ENTREP2: variants seen among roughly 807,000 people sequenced by gnomAD.
ENTREP2 encodes endosomal transmembrane epsin interactor 2, also known as protein ENTREP2.
chr15:29,131,553 C>T, the ENTREP2 span, among the ~76,000 whole-genome samples: 2 of 140,870 alleles, frequency 1.4e-5, no homozygotes, highest in Non-Finnish European at 3.0e-5. Context: ...TCCTGCCATG[C>T]GCCTTAGCTG....
the ENTREP2 span, among the ~76,000 whole-genome samples, chr15:29,443,854 C>A: frequency 2.0e-5 from 3 of 152,024 alleles, no homozygotes; most frequent in African/African-American, 7.3e-5. Context: ...CCTGTAATCC[C>A]AGCACTTTGG....
the ENTREP2 span, among the ~76,000 whole-genome samples, chr15:29,359,226 CGAA>C: frequency 6.6e-6 from 1 of 152,060 alleles, no homozygotes; most frequent in Non-Finnish European, 1.5e-5. Flanking sequence ...GGGCAGAACA[CGAA>C]GGAGTGTTTT....
At chr15:29,543,138 T>C in the ENTREP2 span, among the ~76,000 whole-genome samples, 1 of 123,582 alleles carries the variant, frequency 8.1e-6, no homozygotes, top group South Asian at 2.4e-4. Context: ...TTGCTTTTAA[T>C]GAGACTGTCT....
At chr15:29,582,842 G>A in the ENTREP2 span, among the ~76,000 whole-genome samples, 2 of 152,102 alleles carry the variant, frequency 1.3e-5, no homozygotes, top group South Asian at 4.2e-4. Flanking sequence ...AGTAGAGATG[G>A]GGTTTCTCCA....
At chr15:29,616,983 C>G in the ENTREP2 span, among the ~76,000 whole-genome samples, 27 of 152,188 alleles carry the variant, frequency 1.8e-4, no homozygotes, top group African/African-American at 4.8e-4. Flanking sequence ...TCACTTGAAC[C>G]TGGGAGGCGG....
At chr15:29,365,250 C>CTTTTTTTTTTTTTTTTTTT in the ENTREP2 span, among the ~76,000 whole-genome samples, 1 of 142,014 alleles carries the variant, frequency 7.0e-6, no homozygotes. Flanking sequence ...TAGCTCATTT[C>CTTTTTTTTTTTTTTTTTTT]TTTTTTTTTT....
chr15:29,450,703 C>T, the ENTREP2 span, among the ~76,000 whole-genome samples: 28 of 152,232 alleles, frequency 1.8e-4, no homozygotes, highest in South Asian at 5.4e-3. Flanking sequence ...AGCAAAGACA[C>T]TGAATCAACC....
At chr15:29,595,506 T>C in the ENTREP2 span, among the ~76,000 whole-genome samples, 98 of 152,292 alleles carry the variant, frequency 6.4e-4, no homozygotes, top group African/African-American at 2.3e-3. Context: ...TGGGATCCCA[T>C]CCAGAACACA....
At chr15:29,208,296 C>A in the ENTREP2 span, among the ~76,000 whole-genome samples, 5 of 152,022 alleles carry the variant, frequency 3.3e-5, no homozygotes, top group South Asian at 1.0e-3. Flanking sequence ...TAGATAGGGC[C>A]AAAAATAGGA....
chr15:29,177,254 A>G, the ENTREP2 span, among the ~76,000 whole-genome samples: 2 of 152,180 alleles, frequency 1.3e-5, no homozygotes, highest in Non-Finnish European at 2.9e-5. Context: ...GTGAGTACAC[A>G]TGTGATGGCT....
the ENTREP2 span, among the ~76,000 whole-genome samples, chr15:29,531,678 G>A: frequency 2.0e-5 from 3 of 152,202 alleles, no homozygotes; most frequent in Admixed American, 6.5e-5. Context: ...AAGCAAAATT[G>A]TTTCTGAGGC....
chr15:29,399,812 A>G, the ENTREP2 span, among the ~76,000 whole-genome samples: 1 of 152,236 alleles, frequency 6.6e-6, no homozygotes, highest in Non-Finnish European at 1.5e-5. Flanking sequence ...TGCTATTAAG[A>G]AAGTCATAAG....
At chr15:29,284,556 CAAAAA>C in the ENTREP2 span, among the ~76,000 whole-genome samples, 294 of 125,446 alleles carry the variant, frequency 2.3e-3, 1 homozygote, top group African/African-American at 8.2e-3. Context: ...GACTCCATCT[CAAAAA>C]AAAAAAAAAA....
the ENTREP2 span, among the ~76,000 whole-genome samples, chr15:29,362,061 T>C: frequency 4.6e-5 from 7 of 152,054 alleles, no homozygotes; most frequent in Non-Finnish European, 1.0e-4. Flanking sequence ...ACACACAGAC[T>C]CTGGGACTCC....
the ENTREP2 span, among the ~76,000 whole-genome samples, chr15:29,176,969 A>G: frequency 6.6e-6 from 1 of 151,930 alleles, no homozygotes; most frequent in African/African-American, 2.4e-5. Context: ...TGCTACCCCA[A>G]ACACCCCAAT....
the ENTREP2 span, among the ~76,000 whole-genome samples, chr15:29,422,521 A>G: frequency 6.6e-6 from 1 of 152,186 alleles, no homozygotes; most frequent in Non-Finnish European, 1.5e-5. Context: ...GAAAGTCAGC[A>G]AGTTTGCGTG....
the ENTREP2 span, among the ~76,000 whole-genome samples, chr15:29,427,761 A>T: frequency 2.0e-5 from 3 of 152,206 alleles, no homozygotes; most frequent in Non-Finnish European, 2.9e-5. Flanking sequence ...CATGTAAAGT[A>T]ATACATTCAT....
the ENTREP2 span, among the ~76,000 whole-genome samples, chr15:29,493,123 C>CT: frequency 1.5e-5 from 2 of 131,592 alleles, no homozygotes; most frequent in African/African-American, 6.7e-5. Flanking sequence ...TCCCTGACAA[C>CT]CCTTTTTTTT....
chr15:29,352,332 G>T, the ENTREP2 span, among the ~76,000 whole-genome samples: 1 of 152,192 alleles, frequency 6.6e-6, no homozygotes, highest in African/African-American at 2.4e-5. Context: ...AATGAAGGCG[G>T]TGAGAGCTAG....
Sources: gnomAD v4.1 joint callset for allele counts (sites outside exome capture counted in the v4.1 genomes callset) on GRCh38, gnomAD v4.1.1 for gene constraint, MANE v1.5 for transcripts, NCBI Gene and HGNC (gene_info 2026-07-23, HGNC 2026-07-21) for gene names.